Variants in DNM3 observed in about 807,000 individuals in gnomAD.
DNM3 encodes the protein dynamin 3.
In DNM3, 47 loss-of-function variants were observed where a neutral mutation model predicts 101.6. The observed-to-expected ratio is 0.46, with a 90% CI of 0.37 to 0.59. The LOEUF (loss-of-function observed/expected upper bound fraction) is 0.59, where lower values mean the gene tolerates loss of function less well. DNM3 is among the 20% of genes least tolerant of loss of function. DNM3 has a pLI of 0.00. For synonymous variants in DNM3, 385 were observed against 387.9 expected (o/e 0.99, Z 0.09); for missense variants, 849 against 1,085.7 (o/e 0.78, Z 3.06).
chr1:172,397,812 T>G lies in DNM3; in HGVS notation c.2522+9003T>G, dbSNP rs555743992. ...GGACCTTTTTGCCATATGTGGCTAT[T>G]TGATGTATATTGTTCAGTCACGATC... On this transcript the variant is annotated intron_variant, in intron 20 of 20. Transcript: ENST00000627582. Among the ~76,000 whole-genome samples, 13 of 152,268 alleles carry G rather than the reference T, an allele frequency of 8.5e-5. No individual in the cohort carries two copies. In the South Asian group the frequency reaches 2.7e-3, roughly 32 times the overall value.
intron 11 of DNM3, among the ~76,000 whole-genome samples, chr1:172,079,551 C>G (rs563051030): frequency 1.4e-4 from 21 of 152,240 alleles, no homozygotes; most frequent in Non-Finnish European, 2.8e-4. Flanking sequence ...AGCTTCCTTG[C>G]ATTGGGTTAG....
At chr1:172,003,051 A>G (rs185552205) in intron 4 of DNM3, among the ~76,000 whole-genome samples, 8 of 152,040 alleles carry the variant, frequency 5.3e-5, no homozygotes, top group Admixed American at 1.3e-4. Flanking sequence ...AAAAAGACTT[A>G]AAAAAGTAAG....
At chr1:171,882,041 A>G (rs573143247) in intron 1 of DNM3, among the ~76,000 whole-genome samples, 11 of 152,256 alleles carry the variant, frequency 7.2e-5, no homozygotes, top group African/African-American at 2.6e-4. Flanking sequence ...AAGAGTTGCA[A>G]GAAGAGTATT....
intron 2 of DNM3, chr1:171,987,343 CTGT>C: frequency 2.0e-6 from 2 of 983,382 alleles, no homozygotes; most frequent in African/African-American, 1.7e-5. Context: ...CAATCAGGTG[CTGT>C]TGTTTGCTTT....
At chr1:172,248,161 T>C (rs1042321019) in intron 14 of DNM3, among the ~76,000 whole-genome samples, 1 of 152,158 alleles carries the variant, frequency 6.6e-6, no homozygotes, top group Non-Finnish European at 1.5e-5. Context: ...AAATCAGAGA[T>C]ATTGGTTTAG....
chr1:172,041,965 G>T (rs773799756), intron 7 of DNM3, 44 bp from the exon 8 acceptor site: 2 of 1,542,432 alleles, frequency 1.3e-6, no homozygotes, highest in Admixed American at 4.5e-5. Context: ...GAGTGCAAAG[G>T]CTTGTAACTT....
chr1:172,109,531 C>T (rs937677374), intron 13 of DNM3, among the ~76,000 whole-genome samples: 2 of 152,184 alleles, frequency 1.3e-5, no homozygotes, highest in African/African-American at 4.8e-5. Flanking sequence ...TTGTGCGTCT[C>T]CTCTTCCTGG....
chr1:171,889,901 A>G (rs527328595), intron 1 of DNM3, among the ~76,000 whole-genome samples: 1 of 152,334 alleles, frequency 6.6e-6, no homozygotes, highest in South Asian at 2.1e-4. Flanking sequence ...TTTAATACAT[A>G]TAGTATAGCT....
intron 14 of DNM3, among the ~76,000 whole-genome samples, chr1:172,152,105 A>C (rs1392833178): frequency 6.6e-6 from 1 of 152,052 alleles, no homozygotes; most frequent in Non-Finnish European, 1.5e-5. Flanking sequence ...GCTGGTCTCA[A>C]ACTCCTGGAC....
chr1:172,038,522 G>T, intron 7 of DNM3, 61 bp downstream of exon 7: 1 of 1,584,606 alleles, frequency 6.3e-7, no homozygotes, highest in Non-Finnish European at 8.6e-7. Flanking sequence ...GTTTTCTATT[G>T]CCTTAGTCTA....
At chr1:172,306,169 G>A (rs2064800978) in intron 15 of DNM3, among the ~76,000 whole-genome samples, 1 of 152,182 alleles carries the variant, frequency 6.6e-6, no homozygotes, top group Non-Finnish European at 1.5e-5. Flanking sequence ...AAGCTGATAA[G>A]CAACTTCAGC....
intron 9 of DNM3, among the ~76,000 whole-genome samples, chr1:172,046,910 A>G (rs182650499): frequency 6.6e-6 from 1 of 152,310 alleles, no homozygotes; most frequent in Non-Finnish European, 1.5e-5. Context: ...TGTAAAACTC[A>G]TTACCATATA....
intron 14 of DNM3, among the ~76,000 whole-genome samples, chr1:172,246,011 C>G (rs2061939153): frequency 6.6e-6 from 1 of 152,130 alleles, no homozygotes; most frequent in Admixed American, 6.5e-5. Context: ...GAAGAGGGAG[C>G]AAGCACCTCT....
intron 4 of DNM3, among the ~76,000 whole-genome samples, chr1:172,030,704 G>T (rs1361019522): frequency 6.6e-6 from 1 of 151,020 alleles, no homozygotes; most frequent in Non-Finnish European, 1.5e-5. Context: ...AAATTTACAA[G>T]AAAAAAAACA....
At chr1:172,350,064 G>T (rs764582813) in intron 17 of DNM3, among the ~76,000 whole-genome samples, 1 of 152,074 alleles carries the variant, frequency 6.6e-6, no homozygotes, top group Non-Finnish European at 1.5e-5. Context: ...AATTGGTATC[G>T]ATTTCTGAAA....
At chr1:172,289,621 T>C (rs911461291) in intron 15 of DNM3, 36 of 977,246 alleles carry the variant, frequency 3.7e-5, no homozygotes, top group Admixed American at 6.2e-5. Context: ...GTTTTATAAT[T>C]TTCCAACTTG....
chr1:172,233,785 A>G (rs2061430517), intron 14 of DNM3, among the ~76,000 whole-genome samples: 1 of 152,222 alleles, frequency 6.6e-6, no homozygotes, highest in Non-Finnish European at 1.5e-5. Context: ...ACCAACGACA[A>G]AAACCACATG....
In DNM3 at chr1:172,357,481, C is replaced by T. The variant is rs114747950; in HGVS notation, c.1894-21537C>T. 5.4e-3 allele frequency among the ~76,000 whole-genome samples: 817 copies of T among 151,926 alleles called. 4 individuals are homozygous for T. Among genetic ancestry groups the T allele is most frequent in the African/African-American group, 0.019 (773 of 41,442 alleles). On this transcript the variant is annotated intron_variant, in intron 17 of 20. Transcript: ENST00000627582. ...AAAATGCACAACCTGAAATTAATAA[C>T]GAGGAAACATCAAATTGAAGGACAC...
At chr1:172,378,193 A>C (rs2068710491) in intron 17 of DNM3, 2 of 152,138 alleles carry the variant, frequency 1.3e-5, no homozygotes, top group Admixed American at 1.3e-4. Flanking sequence ...ATTTGTTCTA[A>C]ATTGATTTCA....
Sources: gnomAD v4.1 joint callset for allele counts (sites outside exome capture counted in the v4.1 genomes callset) on GRCh38, gnomAD v4.1.1 for gene constraint, MANE v1.5 for transcripts, NCBI Gene and HGNC (gene_info 2026-07-23, HGNC 2026-07-21) for gene names.